The following NUP107 variants were observed in gnomAD, a reference collection of about 807,000 sequenced individuals.
NUP107 encodes the protein nuclear pore complex protein Nup107.
NUP107 carries 101 observed loss-of-function variants against 141.0 expected under a neutral mutation model. That is an observed-to-expected ratio of 0.72 (90% CI 0.61 to 0.84). The LOEUF is 0.84. Among genes scored for constraint, NUP107 ranks in the 40% least tolerant of loss-of-function variants. The pLI, the probability that NUP107 is intolerant of heterozygous loss-of-function variation, is 0.00. For synonymous variants in NUP107, 319 were observed against 363.9 expected (o/e 0.88, Z 1.41); for missense variants, 941 against 1,102.7 (o/e 0.85, Z 2.08).
At chr12:68,708,191 AT>A (rs2136016178) in intron 8 of NUP107, among the ~76,000 whole-genome samples, 1 of 152,262 alleles carries the variant, frequency 6.6e-6, no homozygotes, top group East Asian at 1.9e-4. Flanking sequence ...CCTGGAGCCA[AT>A]CCCCCATGGA....
Position 68,690,632 on chromosome 12 carries a change from T to C in NUP107, c.189T>C (p.Phe63=), listed in dbSNP as rs1184285170. 6.2e-7 allele frequency: 1 copy of C among 1,614,174 alleles called. No homozygotes were observed. Among genetic ancestry groups the C allele is most frequent in the Non-Finnish European group, 8.5e-7 (1 of 1,180,016 alleles). ...PRTPSSFRQP[F]TPTSRSLLRQ... ...TTTCTACCAACCTTTTGTTTATAGT[T>C]ACCCCAACAAGCCGAAGCTTACTAA... Residue 63 remains phenylalanine (F), a splice_region_variant and synonymous_variant, in exon 4 of 28, where the codon TTT becomes TTC. Transcript: ENST00000229179.
intron 11 of NUP107, among the ~76,000 whole-genome samples, chr12:68,715,043 G>A (rs958366036): frequency 6.6e-6 from 1 of 152,200 alleles, no homozygotes; most frequent in African/African-American, 2.4e-5. Context: ...TACCTGGGCT[G>A]GGATAGGCTA....
At position 68,719,664 on chromosome 12, in the gene NUP107, A is replaced by G. The variant is rs1357483776; in HGVS notation, c.1251+10A>G. The G allele has an allele frequency of 6.3e-7, 1 of 1,576,456 alleles. No homozygotes were observed. The highest frequency in any genetic ancestry group is 8.7e-7 in the Non-Finnish European group (1 of 1,146,034). On this transcript the variant is annotated intron_variant, in intron 14 of 27. Coordinates refer to ENST00000229179, the MANE Select transcript of NUP107 (RefSeq NM_020401.4). Reference sequence around the variant, plus strand: ...GAGAATGGCAGAAGATGTAAGATAAATAAAATATTCAGTGATACTGTTTTT... The same window carrying G: ...GAGAATGGCAGAAGATGTAAGATAAGTAAAATATTCAGTGATACTGTTTTT...
At chr12:68,703,137 C>A (rs535171066) in intron 8 of NUP107, among the ~76,000 whole-genome samples, 1 of 152,224 alleles carries the variant, frequency 6.6e-6, no homozygotes, top group East Asian at 1.9e-4. Context: ...TGAGCCACTG[C>A]GCCCAGCCAG....
intron 8 of NUP107, chr12:68,706,023 G>C (rs1418302203): frequency 1.2e-6 from 1 of 854,102 alleles, no homozygotes. Flanking sequence ...AGCGGCAGAA[G>C]ACGGCTCAGA....
At chr12:68,737,133 T>TTG (rs1328851386) in intron 26 of NUP107, among the ~76,000 whole-genome samples, 1 of 152,240 alleles carries the variant, frequency 6.6e-6, no homozygotes, top group Non-Finnish European at 1.5e-5. Context: ...AATTTTAATG[T>TTG]TGTAAAATGC....
intron 5 of NUP107, among the ~76,000 whole-genome samples, chr12:68,696,210 A>C (rs1876045011): frequency 6.6e-6 from 1 of 151,770 alleles, no homozygotes; most frequent in South Asian, 2.1e-4. Flanking sequence ...CTAAAAATAC[A>C]ACAAGTTGGC....
chr12:68,734,444 G>A (rs1246315547), intron 24 of NUP107, among the ~76,000 whole-genome samples: 1 of 152,164 alleles, frequency 6.6e-6, no homozygotes, highest in African/African-American at 2.4e-5. Flanking sequence ...GTTACAGAGC[G>A]ATGAATGTCA....
chr12:68,742,424 C>T lies in NUP107; in HGVS notation c.2740C>T (p.Gln914Ter), dbSNP rs1222986698. 7 of 1,606,784 alleles carry T rather than the reference C, an allele frequency of 4.4e-6. No individual in the cohort carries two copies. The highest frequency in any genetic ancestry group is 6.0e-6 in the Non-Finnish European group (7 of 1,175,492). Residue 914 changes from glutamine (Q) to a stop codon, truncating the protein, a stop_gained, in exon 28 of 28, where the codon CAG becomes TAG. Coordinates refer to ENST00000229179, the MANE Select transcript of NUP107 (RefSeq NM_020401.4). LOFTEE classifies it high-confidence loss of function. ...LRESSLMLLD[Q>*]GLDPLGYEIQ... ...AGAGTCCTCTCTAATGCTCCTAGAC[C>T]AGGGACTTGACCCATTAGGGTATGA... is the stretch of plus-strand genomic sequence containing the variant.
At chr12:68,726,263 T>G (rs1877560182) in intron 18 of NUP107, among the ~76,000 whole-genome samples, 1 of 152,202 alleles carries the variant, frequency 6.6e-6, no homozygotes, top group Admixed American at 6.5e-5. Context: ...ATTAACCTAT[T>G]TGAATGCAAC....
At chr12:68,698,474 A>T (rs1876175409) in intron 6 of NUP107, among the ~76,000 whole-genome samples, 1 of 152,226 alleles carries the variant, frequency 6.6e-6, no homozygotes, top group Non-Finnish European at 1.5e-5. Context: ...GTGAGTTGAA[A>T]ACTGTATACA....
At chr12:68,694,963 T>G (rs1055788515) in intron 5 of NUP107, among the ~76,000 whole-genome samples, 1 of 152,126 alleles carries the variant, frequency 6.6e-6, no homozygotes, top group African/African-American at 2.4e-5. Flanking sequence ...GATTCACAAA[T>G]GACCAGTAAG....
At chr12:68,741,465 T>A (rs1487408889) in intron 26 of NUP107, among the ~76,000 whole-genome samples, 2 of 152,232 alleles carry the variant, frequency 1.3e-5, no homozygotes, top group East Asian at 3.8e-4. Context: ...GTCTGTTGTG[T>A]CCTCTCAGGC....
rs1342688470 is a variant in NUP107 at position 68,741,820 on chromosome 12, A to G, written c.2510A>G (p.Lys837Arg). ...GWMVDVREDA[K>R]EDHERTHQMV... ...ATTGATGTCTGTTTGTAGGATGCCAAAGAAGACCATGAAAGAACACATCAA... is the reference window on the plus strand; with the variant it reads ...ATTGATGTCTGTTTGTAGGATGCCAGAGAAGACCATGAAAGAACACATCAA... Residue 837 changes from lysine to arginine, a missense_variant, in exon 27 of 28, where the codon AAA becomes AGA. By Grantham distance (26) the Lys-to-Arg change is conservative (BLOSUM62 2). Coordinates refer to ENST00000229179, the MANE Select transcript of NUP107 (RefSeq NM_020401.4). The G allele has an allele frequency of 6.2e-7, 1 of 1,611,222 alleles. No individual in the cohort carries two copies. Among genetic ancestry groups the G allele is most frequent in the Non-Finnish European group, 8.5e-7 (1 of 1,179,082 alleles).
intron 26 of NUP107, chr12:68,740,202 G>A (rs954738622): frequency 6.6e-6 from 1 of 152,142 alleles, no homozygotes; most frequent in Admixed American, 6.5e-5. Context: ...AGGGGCACCC[G>A]GCCTCTTTAA....
chr12:68,727,256 A>C (rs1405253290), intron 19 of NUP107, 95 bp from the exon 20 acceptor site: 3 of 639,882 alleles, frequency 4.7e-6, no homozygotes, highest in Non-Finnish European at 8.3e-6. Context: ...AAACATTACA[A>C]TTATTAAATT....
chr12:68,734,552 A>G (rs917485394), intron 24 of NUP107, among the ~76,000 whole-genome samples, 156 bp from the exon 25 acceptor site: 3 of 152,182 alleles, frequency 2.0e-5, no homozygotes, highest in Non-Finnish European at 4.4e-5. Context: ...TATTCATGAT[A>G]TGAATTTTTG....
At chr12:68,740,027 A>G (rs1878257738) in intron 26 of NUP107, 1 of 152,230 alleles carries the variant, frequency 6.6e-6, no homozygotes, top group Admixed American at 6.5e-5. Flanking sequence ...AGTTGCTGGC[A>G]GCCCGCCCGC....
intron 5 of NUP107, 87 bp from the exon 6 acceptor site, chr12:68,696,728 CAAAT>C: frequency 2.8e-6 from 2 of 716,646 alleles, no homozygotes; most frequent in Non-Finnish European, 4.5e-6. Context: ...AATAAATAAA[CAAAT>C]AAATACATTT....
Sources: allele counts gnomAD v4.1 joint callset (sites outside exome capture counted in the v4.1 genomes callset), GRCh38; gene constraint gnomAD v4.1.1; transcripts MANE v1.5; gene names NCBI Gene and HGNC (gene_info 2026-07-23, HGNC 2026-07-21).